The following CHD2 variants were observed in gnomAD, a reference collection of about 807,000 sequenced individuals.
The protein encoded by CHD2 is chromodomain helicase DNA binding protein 2, also known as ATP-dependent chromatin remodeler CHD2.
In CHD2, 28 loss-of-function variants were observed where a neutral mutation model predicts 243.9. The observed-to-expected ratio is 0.11, with a 90% confidence interval of 0.09 to 0.16. The LOEUF is 0.16. CHD2 is among the 10% of genes least tolerant of loss of function. The pLI, the probability that CHD2 is intolerant of heterozygous loss-of-function variation, is 1.00. For missense variants in CHD2, 1,386 were observed against 2,209.8 expected (o/e 0.63, Z 7.47); for synonymous variants, 775 against 779.0 (o/e 0.99, Z 0.09).
intron 37 of CHD2, among the ~76,000 whole-genome samples, chr15:93,017,492 A>ATTTTTTTTT (rs760713016): frequency 8.3e-5 from 8 of 96,802 alleles, no homozygotes; most frequent in African/African-American, 1.6e-4. Context: ...TGCCGGGCTA[A>ATTTTTTTTT]TTTTTTTTTT....
chr15:92,993,304 C>G (rs2054144608), intron 28 of CHD2: 2 of 274,222 alleles, frequency 7.3e-6, no homozygotes. Flanking sequence ...TGGTGGACAC[C>G]TCTGTATTTT....
intron 32 of CHD2, 114 bp from the exon 33 acceptor site, chr15:93,002,063 G>T: frequency 2.9e-6 from 4 of 1,372,804 alleles, no homozygotes; most frequent in Non-Finnish European, 3.9e-6. Flanking sequence ...TTGAAAACAA[G>T]CTTCTAAGTA....
At chr15:92,949,345 A>C in intron 13 of CHD2, 1 of 706,078 alleles carries the variant, frequency 1.4e-6, no homozygotes, top group Non-Finnish European at 2.0e-6. Context: ...CTGTATCATC[A>C]TATGTTACTC....
At chr15:92,920,945 G>A (rs2052943285) in intron 2 of CHD2, among the ~76,000 whole-genome samples, 1 of 152,192 alleles carries the variant, frequency 6.6e-6, no homozygotes, top group Admixed American at 6.5e-5. Context: ...ACAAGTGGAG[G>A]CAAGGTAGTG....
chr15:92,946,053 C>T lies in CHD2; in HGVS notation c.1214C>T (p.Pro405Leu), dbSNP rs370464322. Residue 405 changes from proline (P) to leucine (L), a missense_variant, in exon 12 of 39, where the codon CCG (proline) becomes CTG (leucine). By Grantham distance (98) the Pro-to-Leu change is moderately conservative. This residue lies in a region of CHD2 where 200 missense variants were observed against 292.5 expected (regional missense o/e 0.68). Coordinates refer to ENST00000394196, the MANE Select transcript of CHD2 (RefSeq NM_001271.4). ...QTDFPAHSRK[P>L]APSNEPEYLC... The stretch of plus-strand genomic sequence containing the variant: ...TATGAAATAGCTCATAGTCGGAAGC[C>T]GGCACCCTCAAATGAGCCCGAATAT... The T allele has an allele frequency of 8.8e-5, 139 of 1,585,934 alleles. No homozygotes were observed. In the African/African-American group the frequency reaches 1.1e-3, roughly 12 times the overall value.
intron 17 of CHD2, among the ~76,000 whole-genome samples, chr15:92,968,807 G>T (rs750269751): frequency 6.6e-6 from 1 of 152,164 alleles, no homozygotes. Flanking sequence ...AATTCTGTTG[G>T]AGTTAATATC....
chr15:92,989,025 C>CTTTTTTTTTTTTTTTTTTTTTT (rs34298248), intron 26 of CHD2, among the ~76,000 whole-genome samples: 1 of 76,514 alleles, frequency 1.3e-5, no homozygotes, highest in Non-Finnish European at 2.4e-5. Flanking sequence ...ATACTTCATA[C>CTTTTTTTTTTTTTTTTTTTTTT]TTTTTTTTTT....
chr15:92,919,410 G>A (rs1219719776), intron 2 of CHD2, among the ~76,000 whole-genome samples: 2 of 133,234 alleles, frequency 1.5e-5, no homozygotes, highest in Non-Finnish European at 3.2e-5. Context: ...TTTTTTTTTT[G>A]GAGACGGAGT....
chr15:92,956,004 T>C (rs2053613498), intron 15 of CHD2, among the ~76,000 whole-genome samples: 1 of 152,322 alleles, frequency 6.6e-6, no homozygotes, highest in East Asian at 1.9e-4. Flanking sequence ...AATACCGCCT[T>C]TCTGCTAAGA....
At chr15:92,988,804 A>G (rs935138741) in intron 26 of CHD2, among the ~76,000 whole-genome samples, 9 of 150,560 alleles carry the variant, frequency 6.0e-5, no homozygotes, top group African/African-American at 2.0e-4. Flanking sequence ...TAGAATTTCT[A>G]TTTCACTCTT....
In CHD2 at chr15:93,024,838, A is replaced by T. The variant is rs1197581123; in HGVS notation, c.*133A>T. ...CTGCTGCTGTCAACTCACTGGCTGA[A>T]GGAGCACTTCAAGGAATGGGAGGCC... On this transcript the variant is annotated 3_prime_UTR_variant, in exon 39 of 39. Transcript: ENST00000394196. 1.3e-6 allele frequency: 1 copy of T among 767,614 alleles called. No individual in the cohort carries two copies. Among genetic ancestry groups the T allele is most frequent in the Non-Finnish European group, 2.1e-6 (1 of 486,856 alleles). 47.6% of individuals were successfully genotyped at this position (767,614 alleles called of 1,614,324 possible).
chr15:92,904,977 T>G, intron 2 of CHD2: 1 of 1,536,120 alleles, frequency 6.5e-7, no homozygotes, highest in Non-Finnish European at 8.7e-7. Flanking sequence ...CCGTACATTT[T>G]CTCAGTTGGC....
At chr15:92,927,389 CT>C (rs981317670) in intron 4 of CHD2, 59 bp downstream of exon 4, 2 of 1,255,650 alleles carry the variant, frequency 1.6e-6, no homozygotes, top group African/African-American at 1.5e-5. Context: ...TTCATTCTTT[CT>C]GACTCTGGTA....
Position 92,944,627 on chromosome 15 carries a change from A to G in CHD2, c.1153+112A>G, listed in dbSNP as rs775146749. On this transcript the variant is annotated intron_variant, in intron 10 of 38. Transcript: ENST00000394196. ...GCACTTTGGAGACTAGACACGTGCT[A>G]GGTTTATTTTAAAGGAAAAGCTAAG... 88 of 435,854 alleles carry G rather than the reference A, an allele frequency of 2.0e-4. No individual in the cohort carries two copies. The Middle Eastern group carries it at 2.8e-3, about 14-fold the overall frequency. 27.0% of individuals were successfully genotyped at this position (435,854 alleles called of 1,614,324 possible).
In CHD2 at chr15:92,916,711, G is replaced by A. The variant is rs557251287; in HGVS notation, c.63-7610G>A. 5.3e-5 allele frequency among the ~76,000 whole-genome samples: 8 copies of A among 152,138 alleles called. No individual in the cohort carries two copies. In the South Asian group the frequency reaches 1.5e-3, roughly 28 times the overall value. On this transcript the variant is annotated intron_variant, in intron 2 of 38. Coordinates refer to ENST00000394196, the MANE Select transcript of CHD2 (RefSeq NM_001271.4). ...TGGGACTACAGGCGCGTGCCACCAC[G>A]CCCAGCTAATTTTTGTATTTTTAGT...
At chr15:92,990,025 G>A (rs2054096346) in intron 26 of CHD2, among the ~76,000 whole-genome samples, 1 of 152,148 alleles carries the variant, frequency 6.6e-6, no homozygotes. Flanking sequence ...TGGTAATGTT[G>A]CCTCAGGCCG....
In CHD2 at chr15:92,937,619, C is replaced by T. The variant is rs954193800; in HGVS notation, c.545C>T (p.Pro182Leu). The T allele has an allele frequency of 4.3e-6, 7 of 1,611,412 alleles. No homozygotes were observed. Among genetic ancestry groups the T allele is most frequent in the Middle Eastern group, 3.3e-4 (2 of 6,048 alleles). Residue 182 changes from proline to leucine, a missense_variant, in exon 6 of 39, where the codon CCC (proline) becomes CTC (leucine). Coordinates refer to ENST00000394196, the MANE Select transcript of CHD2 (RefSeq NM_001271.4). Reference protein sequence around the residue: ...QKKVKARRPVPRRTVPKPRVK... With the variant: ...QKKVKARRPVLRRTVPKPRVK... ...AAAGTAAAAGCCAGAAGACCTGTCC[C>T]CAGAAGGTGCACTGTTTGCTTAAGA...
intron 17 of CHD2, among the ~76,000 whole-genome samples, chr15:92,970,244 C>T (rs1385990340): frequency 6.6e-6 from 1 of 152,056 alleles, no homozygotes; most frequent in Non-Finnish European, 1.5e-5. Flanking sequence ...TCTTGTTGCC[C>T]AGGCTGGAGT....
At chr15:92,906,803 G>A (rs1471603784) in intron 2 of CHD2, among the ~76,000 whole-genome samples, 1 of 151,738 alleles carries the variant, frequency 6.6e-6, no homozygotes, top group Admixed American at 6.6e-5. Flanking sequence ...ATTCCTCTAA[G>A]AGTATTTTGT....
Sources: allele counts gnomAD v4.1 joint callset (sites outside exome capture counted in the v4.1 genomes callset), GRCh38; gene constraint gnomAD v4.1.1; regional missense constraint gnomAD v4.1.1; transcripts MANE v1.5; gene names NCBI Gene and HGNC (gene_info 2026-07-23, HGNC 2026-07-21).